The following COL28A1 variants were observed in gnomAD, a reference collection of about 807,000 sequenced individuals.
COL28A1 encodes collagen alpha-1(XXVIII) chain.
In COL28A1, 161 loss-of-function variants were observed where a neutral mutation model predicts 150.2. The observed-to-expected ratio is 1.07, with a 90% CI of 0.94 to 1.22. The LOEUF is 1.22. COL28A1 is among the 50% of genes most tolerant of loss of function. The probability of loss-of-function intolerance (pLI) is 0.00; values close to 1 mark genes in which losing one functional copy is unlikely to be tolerated. For missense variants in COL28A1, 1,617 were observed against 1,388.3 expected (o/e 1.16, Z -2.62); for synonymous variants, 552 against 469.7 (o/e 1.18, Z -2.26).
chr7:7,418,067 T>C, intron 26 of COL28A1, 140 bp from the exon 27 acceptor site: 1 of 599,044 alleles, frequency 1.7e-6, no homozygotes, highest in African/African-American at 1.9e-5. Context: ...ACTTCCTATT[T>C]TACTTAGAGT....
intron 15 of COL28A1, among the ~76,000 whole-genome samples, chr7:7,470,150 A>C (rs1788307555): frequency 4.0e-5 from 1 of 24,908 alleles, no homozygotes; most frequent in Non-Finnish European, 6.6e-5. Flanking sequence ...CAGCAAAAGA[A>C]ACTACCATCA....
rs939692659 is a variant in COL28A1, at chr7:7,472,555, T to C, written c.1302+2046A>G. ...AAACAAATGCAAACACATCCCATGC[T>C]CATGGATAGGTAGAATCAATATTGT... On this transcript the variant is annotated intron_variant, in intron 15 of 34. Coordinates refer to ENST00000399429, the MANE Select transcript of COL28A1 (RefSeq NM_001037763.3). Among the ~76,000 whole-genome samples, 19 of 152,260 alleles carry C rather than the reference T, an allele frequency of 1.2e-4. No individual in the cohort carries two copies. In the South Asian group the frequency reaches 1.5e-3, roughly 12 times the overall value.
At chr7:7,388,382 T>C (rs1782326520) in intron 27 of COL28A1, among the ~76,000 whole-genome samples, 1 of 152,084 alleles carries the variant, frequency 6.6e-6, no homozygotes, top group South Asian at 2.1e-4. Flanking sequence ...ATGGTGTATA[T>C]TGCCACTTTT....
intron 11 of COL28A1, among the ~76,000 whole-genome samples, chr7:7,492,106 A>G (rs1437343646): frequency 6.6e-6 from 1 of 152,200 alleles, no homozygotes; most frequent in African/African-American, 2.4e-5. Flanking sequence ...GCTTTCACTA[A>G]CCAACAGTAA....
chr7:7,402,027 T>C (rs1356814230), intron 27 of COL28A1, among the ~76,000 whole-genome samples: 2 of 152,206 alleles, frequency 1.3e-5, no homozygotes, highest in African/African-American at 4.8e-5. Context: ...CAAATAACAA[T>C]GCTCATAAGG....
At chr7:7,392,908 A>G (rs1487723385) in intron 27 of COL28A1, among the ~76,000 whole-genome samples, 1 of 152,060 alleles carries the variant, frequency 6.6e-6, no homozygotes, top group Non-Finnish European at 1.5e-5. Context: ...GCTTCCTTGC[A>G]TTGGGTTACA....
chr7:7,433,127 T>G (rs1164118731), intron 23 of COL28A1, among the ~76,000 whole-genome samples: 6 of 152,130 alleles, frequency 3.9e-5, no homozygotes, highest in African/African-American at 1.4e-4. Context: ...TAGGGAAAAG[T>G]TGTAAATATT....
intron 8 of COL28A1, among the ~76,000 whole-genome samples, chr7:7,513,121 G>A (rs959503551): frequency 6.6e-6 from 1 of 152,214 alleles, no homozygotes; most frequent in Non-Finnish European, 1.5e-5. Flanking sequence ...AGTTTCAACA[G>A]CAGTGCTCTA....
chr7:7,493,562 G>C (rs1156478370), intron 11 of COL28A1, among the ~76,000 whole-genome samples: 2 of 152,060 alleles, frequency 1.3e-5, no homozygotes, highest in Non-Finnish European at 2.9e-5. Flanking sequence ...TAGCAATGTA[G>C]CTTCACATTT....
chr7:7,445,296 G>GA (rs1786164153), intron 18 of COL28A1, among the ~76,000 whole-genome samples: 1 of 152,176 alleles, frequency 6.6e-6, no homozygotes, highest in African/African-American at 2.4e-5. Flanking sequence ...CATGTGATAA[G>GA]AGAGGCAAAG....
rs1780616860 is a variant in COL28A1, at chr7:7,502,958, AAGTGCTGGGATTACAGGCGT to A, written c.1026+3036_1026+3055del. On this transcript the variant is annotated intron_variant, in intron 11 of 34. Transcript: ENST00000399429. ...GTGATCCGCCCGCCTCGGCCTCCCAAAGTGCTGGGATTACAGGCGTGATATTCCCTTCCTTTTTCCTGCAC... is the reference window on the plus strand; with the variant it reads ...GTGATCCGCCCGCCTCGGCCTCCCAAGATATTCCCTTCCTTTTTCCTGCAC... Among the ~76,000 whole-genome samples the A allele has an allele frequency of 6.5e-5, 3 of 46,166 alleles. 1 individual carries two copies. Among genetic ancestry groups the A allele is most frequent in the African/African-American group, 9.9e-4 (2 of 2,020 alleles). 30.3% of individuals were successfully genotyped at this position (46,166 alleles called of 152,430 possible).
chr7:7,393,877 G>A (rs754432919), intron 27 of COL28A1, among the ~76,000 whole-genome samples: 1 of 152,090 alleles, frequency 6.6e-6, no homozygotes, highest in Non-Finnish European at 1.5e-5. Flanking sequence ...CGCGGGGGTG[G>A]GATCCGCTGA....
the COL28A1 span, among the ~76,000 whole-genome samples, chr7:7,338,957 A>G: frequency 6.6e-6 from 1 of 152,114 alleles, no homozygotes; most frequent in Admixed American, 6.6e-5. Context: ...TGAGAGAAAC[A>G]TGGCCCAGTT....
At chr7:7,503,899 A>G (rs968860518) in intron 11 of COL28A1, among the ~76,000 whole-genome samples, 1 of 152,188 alleles carries the variant, frequency 6.6e-6, no homozygotes, top group Admixed American at 6.5e-5. Context: ...TTGATTGGCA[A>G]TGAACTTTGT....
intron 18 of COL28A1, among the ~76,000 whole-genome samples, chr7:7,447,702 A>T (rs1045566127): frequency 1.3e-5 from 2 of 151,060 alleles, no homozygotes; most frequent in African/African-American, 4.8e-5. Context: ...TGTATGAGAT[A>T]AAAAACACTG....
At chr7:7,341,515 A>G in the COL28A1 span, among the ~76,000 whole-genome samples, 1 of 151,898 alleles carries the variant, frequency 6.6e-6, no homozygotes, top group Admixed American at 6.6e-5. Flanking sequence ...GGCTCAAGTG[A>G]TCCTCCCATC....
intron 13 of COL28A1, among the ~76,000 whole-genome samples, chr7:7,488,331 T>C (rs892259261): frequency 6.6e-6 from 1 of 152,216 alleles, no homozygotes. Flanking sequence ...GTGAAAAGCC[T>C]AAACCTAAAT....
intron 30 of COL28A1, among the ~76,000 whole-genome samples, chr7:7,377,488 CAAG>C (rs1472594803): frequency 6.6e-6 from 1 of 152,102 alleles, no homozygotes; most frequent in Non-Finnish European, 1.5e-5. Context: ...GACTGTGGTC[CAAG>C]GAGGCAGACT....
chr7:7,379,104 T>C (rs1337849733), intron 30 of COL28A1, among the ~76,000 whole-genome samples: 5 of 152,202 alleles, frequency 3.3e-5, no homozygotes, highest in Non-Finnish European at 5.9e-5. Context: ...CATATGTGCA[T>C]GCCCTTTGGC....
Sources: allele counts gnomAD v4.1 joint callset (sites outside exome capture counted in the v4.1 genomes callset), GRCh38; gene constraint gnomAD v4.1.1; transcripts MANE v1.5; gene names NCBI Gene and HGNC (gene_info 2026-07-23, HGNC 2026-07-21).